MACROD2: variants seen among roughly 807,000 people sequenced by gnomAD.
The protein encoded by MACROD2 is ADP-ribose glycohydrolase MACROD2.
In MACROD2, 36 loss-of-function variants were observed where a neutral mutation model predicts 70.4. That is an observed-to-expected ratio of 0.51 (90% CI 0.39 to 0.68). MACROD2 has a LOEUF of 0.68. Among genes scored for constraint, MACROD2 ranks in the 30% least tolerant of loss-of-function variants. MACROD2 has a pLI of 0.00. For missense variants in MACROD2, 496 were observed against 538.4 expected (o/e 0.92, Z 0.78); for synonymous variants, 172 against 178.8 (o/e 0.96, Z 0.30).
At chr20:14,570,270 C>T (rs924764031) in intron 4 of MACROD2, among the ~76,000 whole-genome samples, 3 of 151,968 alleles carry the variant, frequency 2.0e-5, no homozygotes, top group Non-Finnish European at 4.4e-5. Context: ...TTCTATTGTT[C>T]AATTTGTGTA....
chr20:14,157,313 C>T (rs944400987), intron 3 of MACROD2, among the ~76,000 whole-genome samples: 1 of 152,046 alleles, frequency 6.6e-6, no homozygotes, highest in African/African-American at 2.4e-5. Flanking sequence ...TGCAAAATTT[C>T]ATTACATGCA....
intron 8 of MACROD2, among the ~76,000 whole-genome samples, chr20:15,846,560 A>G (rs759605360): frequency 3.0e-4 from 46 of 152,150 alleles, no homozygotes; most frequent in Non-Finnish European, 6.0e-4. Context: ...GCTTTAGTCC[A>G]TTTTTGGCAG....
chr20:15,475,947 A>G (rs148172069), intron 7 of MACROD2, among the ~76,000 whole-genome samples: 6 of 152,366 alleles, frequency 3.9e-5, no homozygotes, highest in Admixed American at 3.3e-4. Context: ...GTTGCGTTCT[A>G]TAAGGGAAAT....
chr20:14,278,183 A>G (rs1259742777), intron 3 of MACROD2, among the ~76,000 whole-genome samples: 5 of 152,232 alleles, frequency 3.3e-5, no homozygotes, highest in African/African-American at 4.8e-5. Flanking sequence ...TCTCAGAGTA[A>G]TTTTAAATAT....
chr20:14,197,155 A>G lies in MACROD2; in HGVS notation c.271+111427A>G, dbSNP rs377466798. Among the ~76,000 whole-genome samples the G allele has an allele frequency of 1.9e-4, 29 of 152,352 alleles. No homozygotes were observed. In the East Asian group the frequency reaches 4.6e-3, roughly 24 times the overall value. On this transcript the variant is annotated intron_variant, in intron 3 of 17. Coordinates refer to ENST00000684519, the MANE Select transcript of MACROD2 (RefSeq NM_001351661.2). ...TTTATTTTGGCATTTGAAATGCATA[A>G]TATCATTATTCTTATGGGACATTTA...
intron 10 of MACROD2, among the ~76,000 whole-genome samples, chr20:15,926,324 C>T (rs1229195302): frequency 1.3e-5 from 2 of 152,164 alleles, no homozygotes; most frequent in Admixed American, 6.5e-5. Flanking sequence ...ACTATCCAGA[C>T]AAGGCCAGGT....
intron 6 of MACROD2, among the ~76,000 whole-genome samples, chr20:15,390,331 C>T (rs1480542911): frequency 6.6e-6 from 1 of 152,148 alleles, no homozygotes; most frequent in Non-Finnish European, 1.5e-5. Flanking sequence ...CCTCTCTCCA[C>T]CCATCCAAGT....
At chr20:14,658,729 T>G (rs142064776) in intron 4 of MACROD2, among the ~76,000 whole-genome samples, 14 of 152,304 alleles carry the variant, frequency 9.2e-5, no homozygotes, top group African/African-American at 3.4e-4. Flanking sequence ...TTCTCCTGGC[T>G]CAGCCTCCTC....
intron 6 of MACROD2, among the ~76,000 whole-genome samples, chr20:15,355,040 C>G (rs747979246): frequency 3.2e-4 from 48 of 152,148 alleles, no homozygotes; most frequent in Non-Finnish European, 3.7e-4. Context: ...TTTAAGTGAC[C>G]TGAAGTTTCA....
chr20:15,217,237 A>G (rs1253270013), intron 5 of MACROD2, among the ~76,000 whole-genome samples: 2 of 152,190 alleles, frequency 1.3e-5, no homozygotes, highest in East Asian at 3.8e-4. Flanking sequence ...ATGTATTCCT[A>G]TCCCATGTAT....
At chr20:14,033,926 A>G (rs556649174) in intron 2 of MACROD2, among the ~76,000 whole-genome samples, 1 of 152,170 alleles carries the variant, frequency 6.6e-6, no homozygotes, top group South Asian at 2.1e-4. Context: ...AAATCCTTTC[A>G]TAAGAAATTC....
intron 6 of MACROD2, among the ~76,000 whole-genome samples, chr20:15,350,506 C>T (rs2078216332): frequency 6.6e-6 from 1 of 152,134 alleles, no homozygotes; most frequent in Non-Finnish European, 1.5e-5. Flanking sequence ...AACCTTTAAT[C>T]ACAAATGCAA....
chr20:14,407,376 CT>C (rs764444293), intron 3 of MACROD2, among the ~76,000 whole-genome samples: 12 of 151,988 alleles, frequency 7.9e-5, no homozygotes, highest in Non-Finnish European at 1.6e-4. Flanking sequence ...TGTTTTCTGG[CT>C]TCAAAAGCAG....
intron 4 of MACROD2, among the ~76,000 whole-genome samples, chr20:14,666,843 T>C (rs1291106423): frequency 2.6e-5 from 4 of 151,932 alleles, no homozygotes; most frequent in African/African-American, 9.7e-5. Context: ...GAATGGTAGA[T>C]TTAATAGGTT....
chr20:15,870,786 A>G (rs562375486), intron 9 of MACROD2, among the ~76,000 whole-genome samples: 1 of 152,308 alleles, frequency 6.6e-6, no homozygotes, highest in African/African-American at 2.4e-5. Flanking sequence ...ATATTTAACC[A>G]AAGTTTCAGG....
chr20:14,299,604 T>C (rs1337776874), intron 3 of MACROD2, among the ~76,000 whole-genome samples: 11 of 152,198 alleles, frequency 7.2e-5, no homozygotes, highest in African/African-American at 2.7e-4. Flanking sequence ...TTGAGAGGAC[T>C]TTTGGTGGTC....
chr20:14,172,505 A>G lies in MACROD2; in HGVS notation c.271+86777A>G, dbSNP rs184433030. ...TTTTTAGTAGAGACGGGGTTTTGCC[A>G]TGTTGGCCAGGCAGGTCTTAAACTC... On this transcript the variant is annotated intron_variant, in intron 3 of 17. Coordinates refer to ENST00000684519, the MANE Select transcript of MACROD2 (RefSeq NM_001351661.2). 3.7e-3 allele frequency among the ~76,000 whole-genome samples: 562 copies of G among 152,086 alleles called. 3 individuals are homozygous for G. The highest frequency in any genetic ancestry group is 5.4e-3 in the Non-Finnish European group (370 of 67,984).
intron 8 of MACROD2, among the ~76,000 whole-genome samples, chr20:15,821,385 T>G (rs950536762): frequency 2.0e-5 from 3 of 151,852 alleles, no homozygotes; most frequent in African/African-American, 7.3e-5. Context: ...TTATTATAAA[T>G]TATTAGATAT....
At chr20:15,792,966 A>C (rs2063638371) in intron 8 of MACROD2, among the ~76,000 whole-genome samples, 2 of 152,186 alleles carry the variant, frequency 1.3e-5, no homozygotes. Context: ...TGAAAGGCTA[A>C]ATAATCTTAA....
Sources: allele counts gnomAD v4.1 joint callset (sites outside exome capture counted in the v4.1 genomes callset), GRCh38; gene constraint gnomAD v4.1.1; transcripts MANE v1.5; gene names NCBI Gene and HGNC (gene_info 2026-07-23, HGNC 2026-07-21).